Variants in GABRG3 observed in about 807,000 individuals in gnomAD.
GABRG3 encodes gamma-aminobutyric acid receptor subunit gamma-3.
In GABRG3, 25 loss-of-function variants were observed where a neutral mutation model predicts 48.8. The ratio of observed to expected loss-of-function variants is 0.51; its 90% confidence interval spans 0.37 to 0.72. The LOEUF (loss-of-function observed/expected upper bound fraction) is 0.72, where lower values mean the gene tolerates loss of function less well. Among genes scored for constraint, GABRG3 ranks in the 30% least tolerant of loss-of-function variants. GABRG3 has a pLI of 0.00. For synonymous variants in GABRG3, 227 were observed against 217.6 expected, an observed-to-expected ratio of 1.04 and a Z score of -0.38; for missense variants, 394 against 577.9, an observed-to-expected ratio of 0.68 and a Z score of 3.26.
intron 5 of GABRG3, among the ~76,000 whole-genome samples, chr15:27,329,540 C>T (rs1398530384): frequency 6.6e-6 from 1 of 152,194 alleles, no homozygotes; most frequent in Non-Finnish European, 1.5e-5. Flanking sequence ...GCTGGGATTA[C>T]AGATGTGAGC....
chr15:27,279,798 A>T (rs1279638945), intron 3 of GABRG3, among the ~76,000 whole-genome samples: 1 of 151,990 alleles, frequency 6.6e-6, no homozygotes, highest in Non-Finnish European at 1.5e-5. Context: ...TAGCTATGGG[A>T]TTTGGGTAGA....
chr15:27,063,527 G>T (rs1023017103), intron 3 of GABRG3, among the ~76,000 whole-genome samples: 6 of 152,182 alleles, frequency 3.9e-5, no homozygotes, highest in Admixed American at 6.5e-5. Context: ...TCCCTGGCTT[G>T]CTCTGCCCTG....
chr15:27,398,645 T>G (rs1887387643), intron 5 of GABRG3, among the ~76,000 whole-genome samples: 1 of 151,156 alleles, frequency 6.6e-6, no homozygotes, highest in Non-Finnish European at 1.5e-5. Flanking sequence ...TATGTTTGGG[T>G]AGGGGAGATG....
At chr15:27,389,262 T>G (rs1346074251) in intron 5 of GABRG3, among the ~76,000 whole-genome samples, 2 of 152,184 alleles carry the variant, frequency 1.3e-5, no homozygotes, top group Middle Eastern at 3.2e-3. Context: ...ACTATGAGAT[T>G]AGCAGAAAAT....
chr15:26,998,423 A>G (rs768605810), intron 2 of GABRG3, among the ~76,000 whole-genome samples: 10 of 152,318 alleles, frequency 6.6e-5, no homozygotes, highest in Admixed American at 2.6e-4. Flanking sequence ...CAGCAGCCCA[A>G]TACTCCCAGA....
intron 3 of GABRG3, among the ~76,000 whole-genome samples, chr15:27,043,921 C>T (rs569717548): frequency 6.6e-6 from 1 of 152,178 alleles, no homozygotes; most frequent in Non-Finnish European, 1.5e-5. Context: ...TCCTGCCTGC[C>T]AGCAGGATGC....
intron 3 of GABRG3, among the ~76,000 whole-genome samples, chr15:27,196,724 G>GA (rs1256852526): frequency 6.6e-6 from 1 of 152,198 alleles, no homozygotes; most frequent in African/African-American, 2.4e-5. Flanking sequence ...GACGCACAAA[G>GA]AAGTTAAGAC....
In GABRG3 at chr15:26,977,045, A is replaced by G. The variant is rs753939210; in HGVS notation, c.97A>G (p.Asn33Asp). 2.5e-6 allele frequency: 4 copies of G among 1,614,028 alleles called. No individual in the cohort carries two copies. Among genetic ancestry groups the G allele is most frequent in the Non-Finnish European group, 3.4e-6 (4 of 1,179,884 alleles). The change falls in exon 2 of 10, where the codon AAC becomes GAC. Residue 33 changes from asparagine (N) to aspartate (D), a missense_variant. Coordinates refer to ENST00000615808, the MANE Select transcript of GABRG3 (RefSeq NM_033223.5). The stretch of plus-strand genomic sequence containing the variant: ...GGATGAATATGAAGATTCATCATCA[A>G]ACCAAAAGTGGGTCTTGGCTCCAAA... The part of the protein sequence containing the change: ...EEDEYEDSSS[N>D]QKWVLAPKSQ...
At chr15:27,193,595 TA>T (rs1888402081) in intron 3 of GABRG3, among the ~76,000 whole-genome samples, 1 of 152,004 alleles carries the variant, frequency 6.6e-6, no homozygotes, top group African/African-American at 2.4e-5. Flanking sequence ...CGGGTGGGAG[TA>T]ACCCGATTTT....
chr15:27,463,950 C>T (rs942088987), intron 5 of GABRG3, among the ~76,000 whole-genome samples: 1 of 152,104 alleles, frequency 6.6e-6, no homozygotes, highest in Non-Finnish European at 1.5e-5. Context: ...GTTCATGTCA[C>T]ACATGAGCAG....
intron 3 of GABRG3, among the ~76,000 whole-genome samples, chr15:27,193,504 G>C (rs1888397869): frequency 1.3e-5 from 2 of 151,942 alleles, no homozygotes; most frequent in African/African-American, 4.8e-5. Flanking sequence ...AGACTCCGTG[G>C]GCGTAGGACC....
chr15:27,441,433 G>A (rs1330996888), intron 5 of GABRG3, among the ~76,000 whole-genome samples: 1 of 152,130 alleles, frequency 6.6e-6, no homozygotes, highest in African/African-American at 2.4e-5. Flanking sequence ...CTTCATGTTT[G>A]ACATGAAGAG....
At chr15:27,096,856 T>TG (rs1407441794) in intron 3 of GABRG3, among the ~76,000 whole-genome samples, 1 of 131,104 alleles carries the variant, frequency 7.6e-6, no homozygotes, top group African/African-American at 2.9e-5. Context: ...TTTTTTTTTT[T>TG]GGGAGAATGT....
intron 2 of GABRG3, among the ~76,000 whole-genome samples, chr15:27,011,373 C>T (rs1248018131): frequency 6.6e-6 from 1 of 152,178 alleles, no homozygotes; most frequent in Non-Finnish European, 1.5e-5. Context: ...GGCTTCTCTT[C>T]CTCCTTCCAT....
intron 5 of GABRG3, among the ~76,000 whole-genome samples, chr15:27,404,940 C>T (rs941407560): frequency 6.6e-6 from 1 of 152,156 alleles, no homozygotes; most frequent in African/African-American, 2.4e-5. Flanking sequence ...ACTGGTATGT[C>T]CTCGCAAGTC....
At chr15:27,438,526 A>T (rs1335189393) in intron 5 of GABRG3, among the ~76,000 whole-genome samples, 1 of 152,110 alleles carries the variant, frequency 6.6e-6, no homozygotes, top group Non-Finnish European at 1.5e-5. Flanking sequence ...GTCACCCCAC[A>T]TCTCTGCTTG....
chr15:27,530,275 A>G (rs1891391028), intron 9 of GABRG3, among the ~76,000 whole-genome samples: 1 of 152,140 alleles, frequency 6.6e-6, no homozygotes, highest in African/African-American at 2.4e-5. Flanking sequence ...GCTCTGGGAC[A>G]CTCACGGGGC....
intron 5 of GABRG3, among the ~76,000 whole-genome samples, chr15:27,399,057 G>A (rs375415769): frequency 2.0e-5 from 3 of 152,096 alleles, no homozygotes; most frequent in African/African-American, 7.2e-5. Context: ...ATTGAGCATG[G>A]CAGACCTTTC....
chr15:27,445,001 A>G (rs1052065491), intron 5 of GABRG3, among the ~76,000 whole-genome samples: 3 of 152,040 alleles, frequency 2.0e-5, no homozygotes, highest in African/African-American at 7.2e-5. Context: ...CCTCCCAAGT[A>G]GCTGTGATTA....
Sources: gnomAD v4.1 joint callset for allele counts (sites outside exome capture counted in the v4.1 genomes callset) on GRCh38, gnomAD v4.1.1 for gene constraint, MANE v1.5 for transcripts, NCBI Gene and HGNC (gene_info 2026-07-23, HGNC 2026-07-21) for gene names.